Variants in SRD5A2 observed in about 807,000 individuals in gnomAD.
The protein encoded by SRD5A2 is steroid 5 alpha-reductase 2, also known as 3-oxo-5-alpha-steroid 4-dehydrogenase 2.
In SRD5A2, 30 loss-of-function variants were observed where a neutral mutation model predicts 27.4. The ratio of observed to expected loss-of-function variants is 1.10; its 90% CI spans 0.82 to 1.49. The LOEUF is 1.49. Among genes scored for constraint, SRD5A2 ranks in the 40% most tolerant of loss-of-function variants. The pLI, the probability that SRD5A2 is intolerant of heterozygous loss-of-function variation, is 0.00. For missense variants in SRD5A2, 348 were observed against 323.4 expected (o/e 1.08, Z -0.58); for synonymous variants, 141 against 133.6 (o/e 1.06, Z -0.38).
chr2:31,624,190 CA>C, the SRD5A2 span, among the ~76,000 whole-genome samples: 1 of 151,946 alleles, frequency 6.6e-6, no homozygotes, highest in Admixed American at 6.6e-5. Flanking sequence ...TCACATAAAA[CA>C]GGGGTATCCA....
At chr2:31,656,860 G>A in the SRD5A2 span, among the ~76,000 whole-genome samples, 1 of 152,178 alleles carries the variant, frequency 6.6e-6, no homozygotes, top group Non-Finnish European at 1.5e-5. Flanking sequence ...TGTTGAAAAT[G>A]ACACTTAACC....
chr2:31,640,062 T>C, the SRD5A2 span, among the ~76,000 whole-genome samples: 1 of 152,054 alleles, frequency 6.6e-6, no homozygotes, highest in Non-Finnish European at 1.5e-5. Context: ...CTTCTATGAC[T>C]GTGTATTTTC....
At chr2:31,605,282 A>G in the SRD5A2 span, among the ~76,000 whole-genome samples, 2 of 151,980 alleles carry the variant, frequency 1.3e-5, no homozygotes, top group South Asian at 2.1e-4. Flanking sequence ...AAACCAAAGT[A>G]AAAATGGACA....
chr2:31,554,552 A>C (rs547791616), intron 1 of SRD5A2, among the ~76,000 whole-genome samples: 1 of 152,182 alleles, frequency 6.6e-6, no homozygotes, highest in Non-Finnish European at 1.5e-5. Flanking sequence ...CCTAAAACAA[A>C]TGTGGAAAAA....
At chr2:31,568,603 A>T (rs1396926697) in intron 1 of SRD5A2, among the ~76,000 whole-genome samples, 10 of 152,242 alleles carry the variant, frequency 6.6e-5, no homozygotes, top group Non-Finnish European at 4.4e-5. Flanking sequence ...CACTGACTCC[A>T]TCCAGAATTG....
the SRD5A2 span, among the ~76,000 whole-genome samples, chr2:31,602,970 A>C: frequency 1.3e-5 from 2 of 152,098 alleles, no homozygotes; most frequent in Non-Finnish European, 2.9e-5. Flanking sequence ...ACCCTAGAAA[A>C]AAACCTAGGA....
At chr2:31,549,166 G>T (rs1325520555) in intron 1 of SRD5A2, among the ~76,000 whole-genome samples, 1 of 150,512 alleles carries the variant, frequency 6.6e-6, no homozygotes. Flanking sequence ...AGGCTGGGGT[G>T]CAGTGGCACA....
At chr2:31,567,845 A>G (rs1417622251) in intron 1 of SRD5A2, among the ~76,000 whole-genome samples, 1 of 152,042 alleles carries the variant, frequency 6.6e-6, no homozygotes, top group Non-Finnish European at 1.5e-5. Context: ...CACTGAGCTC[A>G]ATCTGTCCAC....
intron 1 of SRD5A2, among the ~76,000 whole-genome samples, chr2:31,553,507 A>C (rs1666423447): frequency 6.6e-6 from 1 of 152,216 alleles, no homozygotes; most frequent in Non-Finnish European, 1.5e-5. Context: ...ACAGAGACAA[A>C]GAAATTGTCG....
intron 1 of SRD5A2, among the ~76,000 whole-genome samples, chr2:31,553,437 CA>C (rs1572643777): frequency 2.0e-5 from 3 of 152,216 alleles, no homozygotes; most frequent in Non-Finnish European, 4.4e-5. Context: ...GAAAGCACCA[CA>C]AATAGGATGA....
At chr2:31,550,222 T>C (rs1333387252) in intron 1 of SRD5A2, among the ~76,000 whole-genome samples, 2 of 152,040 alleles carry the variant, frequency 1.3e-5, no homozygotes, top group Non-Finnish European at 2.9e-5. Flanking sequence ...AAAAATAAAC[T>C]AGGTAATTTA....
chr2:31,634,898 G>C, the SRD5A2 span, among the ~76,000 whole-genome samples: 1 of 152,090 alleles, frequency 6.6e-6, no homozygotes, highest in African/African-American at 2.4e-5. Context: ...ATATTCCATT[G>C]GGTATATGTA....
chr2:31,547,389 C>T (rs1391367798), intron 1 of SRD5A2, among the ~76,000 whole-genome samples: 1 of 152,080 alleles, frequency 6.6e-6, no homozygotes, highest in Non-Finnish European at 1.5e-5. Context: ...ATTGGGCTAC[C>T]CCAGGTGCAT....
At chr2:31,593,200 T>A in the SRD5A2 span, among the ~76,000 whole-genome samples, 62 of 152,206 alleles carry the variant, frequency 4.1e-4, no homozygotes, top group East Asian at 0.01. Context: ...GCATGGCACA[T>A]GTATACATAT....
the SRD5A2 span, among the ~76,000 whole-genome samples, chr2:31,655,086 CT>C: frequency 2.3e-3 from 357 of 152,120 alleles, no homozygotes; most frequent in African/African-American, 7.8e-3. Context: ...TTGAAATGTG[CT>C]TTTTTTAATT....
At chr2:31,551,126 T>C (rs2148078726) in intron 1 of SRD5A2, among the ~76,000 whole-genome samples, 1 of 152,166 alleles carries the variant, frequency 6.6e-6, no homozygotes, top group South Asian at 2.1e-4. Flanking sequence ...AAAACTACCA[T>C]ATTTTGTTGT....
At chr2:31,654,106 C>T in the SRD5A2 span, among the ~76,000 whole-genome samples, 12 of 149,410 alleles carry the variant, frequency 8.0e-5, no homozygotes, top group Middle Eastern at 3.2e-3. Flanking sequence ...AGCCCAGCAA[C>T]AGCATAGTTC....
the SRD5A2 span, among the ~76,000 whole-genome samples, chr2:31,612,051 G>A: frequency 6.6e-6 from 1 of 152,146 alleles, no homozygotes. Flanking sequence ...GCCAAGGCAG[G>A]TGGATCACTT....
chr2:31,534,247 C>T (rs987150017), intron 1 of SRD5A2, among the ~76,000 whole-genome samples: 4 of 152,140 alleles, frequency 2.6e-5, no homozygotes, highest in Admixed American at 2.0e-4. Flanking sequence ...TCTAATTACT[C>T]TTGAATTGGC....
Sources: allele counts gnomAD v4.1 joint callset (sites outside exome capture counted in the v4.1 genomes callset), GRCh38; gene constraint gnomAD v4.1.1; transcripts MANE v1.5; gene names NCBI Gene and HGNC (gene_info 2026-07-23, HGNC 2026-07-21).